The following RABGAP1L variants were observed in gnomAD, a reference collection of about 807,000 sequenced individuals.
RABGAP1L encodes RAB GTPase activating protein 1 like.
Under a neutral mutation model 137.7 loss-of-function variants are expected in RABGAP1L, and 63 were observed. The observed-to-expected ratio is 0.46, with a 90% CI of 0.37 to 0.56. The LOEUF (loss-of-function observed/expected upper bound fraction) is 0.56. RABGAP1L is among the 20% of genes least tolerant of loss of function. The pLI is 0.00. For missense variants in RABGAP1L, 1,095 were observed against 1,244.0 expected, an observed-to-expected ratio of 0.88 and a Z score of 1.80; for synonymous variants, 431 against 433.7, an observed-to-expected ratio of 0.99 and a Z score of 0.08.
At chr1:174,314,398 C>CT (rs933670757) in intron 11 of RABGAP1L, among the ~76,000 whole-genome samples, 6 of 151,930 alleles carry the variant, frequency 3.9e-5, no homozygotes, top group African/African-American at 1.4e-4. Flanking sequence ...TATCTTTTTG[C>CT]TTTTTTTCTT....
At chr1:174,973,037 A>G (rs1481420558) in intron 21 of RABGAP1L, among the ~76,000 whole-genome samples, 1 of 152,172 alleles carries the variant, frequency 6.6e-6, no homozygotes, top group South Asian at 2.1e-4. Context: ...AAAAATTCAA[A>G]AGACCACTGT....
chr1:174,666,909 A>C (rs1190681594), intron 14 of RABGAP1L, among the ~76,000 whole-genome samples: 7 of 151,848 alleles, frequency 4.6e-5, no homozygotes, highest in Non-Finnish European at 8.8e-5. Flanking sequence ...TTTCAGGTTA[A>C]CCAAGAAACT....
intron 11 of RABGAP1L, among the ~76,000 whole-genome samples, chr1:174,326,908 T>C (rs1256144502): frequency 2.0e-5 from 3 of 152,106 alleles, no homozygotes; most frequent in South Asian, 2.1e-4. Flanking sequence ...TTCAAAGTGC[T>C]GAAGGGAAAC....
At position 174,448,064 on chromosome 1, in the gene RABGAP1L, A is replaced by G. The variant is rs746122984; in HGVS notation, c.1710+53919A>G. On this transcript the variant is annotated intron_variant, in intron 13 of 25. Transcript: ENST00000681986. The surrounding 1 kb of genome is among the most constrained non-coding windows in gnomAD (Gnocchi z 4.2). The stretch of plus-strand genomic sequence containing the variant: ...GTGTTTAACAGATGCTGGGCAGGGC[A>G]TCTGCTTGCTGTAGCCAAGTCTGCA... 20 of 1,546,542 alleles carry G rather than the reference A, an allele frequency of 1.3e-5. No homozygotes were observed. In the Admixed American group the frequency reaches 3.6e-4, roughly 28 times the overall value.
chr1:174,826,752 T>C (rs1055173374), intron 19 of RABGAP1L, among the ~76,000 whole-genome samples: 7 of 152,332 alleles, frequency 4.6e-5, no homozygotes, highest in Admixed American at 3.3e-4. Flanking sequence ...GTAATTTACA[T>C]TCCCACCAAC....
At chr1:174,963,718 T>C (rs1036913213) in intron 20 of RABGAP1L, among the ~76,000 whole-genome samples, 1 of 151,902 alleles carries the variant, frequency 6.6e-6, no homozygotes, top group African/African-American at 2.4e-5. Flanking sequence ...GTAAACCAAG[T>C]TTTATTGGAA....
chr1:174,869,452 G>A (rs904016219), intron 19 of RABGAP1L, among the ~76,000 whole-genome samples: 7 of 152,076 alleles, frequency 4.6e-5, no homozygotes, highest in Admixed American at 3.3e-4. Flanking sequence ...ATGTGAAGAA[G>A]GTCCTTGCTT....
At chr1:174,803,056 TA>T (rs552709252) in intron 18 of RABGAP1L, among the ~76,000 whole-genome samples, 22 of 152,318 alleles carry the variant, frequency 1.4e-4, no homozygotes, top group African/African-American at 3.1e-4. Flanking sequence ...AAGATCCCAT[TA>T]TTTTTTTTTC....
chr1:174,199,038 G>A (rs902377003), intron 1 of RABGAP1L, among the ~76,000 whole-genome samples: 2 of 152,202 alleles, frequency 1.3e-5, no homozygotes, highest in African/African-American at 4.8e-5. Context: ...AACCTGGGAG[G>A]CGGAGGTTGC....
At chr1:174,273,572 A>G (rs569347601) in intron 8 of RABGAP1L, among the ~76,000 whole-genome samples, 3 of 151,650 alleles carry the variant, frequency 2.0e-5, no homozygotes, top group Non-Finnish European at 4.4e-5. Context: ...TTGACCACAT[A>G]TCAGTAATGA....
At chr1:174,675,572 G>A (rs918577857) in intron 14 of RABGAP1L, among the ~76,000 whole-genome samples, 4 of 151,808 alleles carry the variant, frequency 2.6e-5, no homozygotes, top group East Asian at 1.9e-4. Context: ...GGCGATGCGG[G>A]CTCTTTTTTG....
chr1:174,499,884 ATAT>A (rs1661099406), intron 13 of RABGAP1L, among the ~76,000 whole-genome samples: 2 of 152,114 alleles, frequency 1.3e-5, no homozygotes, highest in South Asian at 4.1e-4. Context: ...TTAAGTTCAT[ATAT>A]TATAATGTTA....
chr1:174,172,699 C>T (rs889462532), intron 1 of RABGAP1L, among the ~76,000 whole-genome samples: 6 of 151,912 alleles, frequency 3.9e-5, no homozygotes, highest in Admixed American at 6.6e-5. Flanking sequence ...TGGGTTATTT[C>T]GTTTTGTTTT....
intron 13 of RABGAP1L, among the ~76,000 whole-genome samples, chr1:174,507,498 A>G (rs574096648): frequency 1.3e-5 from 2 of 152,308 alleles, no homozygotes; most frequent in South Asian, 4.1e-4. Flanking sequence ...GCTTTTTGAT[A>G]TAACTGTAAT....
At chr1:174,214,591 C>G (rs867879641) in intron 1 of RABGAP1L, among the ~76,000 whole-genome samples, 6 of 152,198 alleles carry the variant, frequency 3.9e-5, no homozygotes, top group Middle Eastern at 3.4e-3. Context: ...AAATTATGCT[C>G]CATAGCTATA....
chr1:174,962,206 C>T lies in RABGAP1L; in HGVS notation c.2433+4657C>T, dbSNP rs1305773678. ...TAAAAATAAAAATACACCCCCCCCC[C>T]ACACACACACACAGCTAGTTAATTA... On this transcript the variant is annotated intron_variant, in intron 20 of 25. Transcript: ENST00000681986. Among the ~76,000 whole-genome samples the T allele has an allele frequency of 1.7e-3, 233 of 135,526 alleles. 45 individuals are homozygous for T. The highest frequency in any genetic ancestry group is 6.1e-3 in the African/African-American group (216 of 35,566). 88.9% of individuals were successfully genotyped at this position (135,526 alleles called of 152,430 possible).
At chr1:174,183,337 G>A (rs1022589125) in intron 1 of RABGAP1L, among the ~76,000 whole-genome samples, 7 of 152,260 alleles carry the variant, frequency 4.6e-5, no homozygotes, top group Non-Finnish European at 7.4e-5. Context: ...TGTTGCCTAG[G>A]TTGGTCTCGA....
At chr1:174,589,169 T>C (rs928216857) in intron 13 of RABGAP1L, among the ~76,000 whole-genome samples, 72 of 152,360 alleles carry the variant, frequency 4.7e-4, no homozygotes, top group African/African-American at 1.7e-3. Context: ...GATATCTCAT[T>C]GTAGTTTTAA....
intron 13 of RABGAP1L, among the ~76,000 whole-genome samples, chr1:174,533,350 C>T (rs1320427342): frequency 6.6e-6 from 1 of 152,202 alleles, no homozygotes; most frequent in Admixed American, 6.5e-5. Context: ...CTTGTCATTT[C>T]TGCATACGTC....
Sources: gnomAD v4.1 joint callset for allele counts (sites outside exome capture counted in the v4.1 genomes callset) on GRCh38, gnomAD v4.1.1 for gene constraint, Gnocchi (gnomAD v3.1) non-coding constraint, MANE v1.5 for transcripts, NCBI Gene and HGNC (gene_info 2026-07-23, HGNC 2026-07-21) for gene names.